The following SGMS1 variants were observed in gnomAD, a reference collection of about 807,000 sequenced individuals.
The protein encoded by SGMS1 is sphingomyelin synthase 1.
A neutral mutation model predicts 46.2 loss-of-function variants in SGMS1; 13 were observed. The ratio of observed to expected loss-of-function variants is 0.28; its 90% CI spans 0.18 to 0.45. The LOEUF (loss-of-function observed/expected upper bound fraction) is 0.45, where lower values mean the gene tolerates loss of function less well. SGMS1 is among the 20% of genes least tolerant of loss of function. The pLI is 1.00. For missense variants in SGMS1, 324 were observed against 519.9 expected (o/e 0.62, Z 3.66); for synonymous variants, 203 against 187.8 (o/e 1.08, Z -0.66).
chr10:50,404,601 C>T (rs956060251), intron 6 of SGMS1, among the ~76,000 whole-genome samples: 1 of 151,616 alleles, frequency 6.6e-6, no homozygotes, highest in African/African-American at 2.4e-5. Context: ...GACCCTGTCT[C>T]GAAAAAACAA....
At chr10:50,413,117 C>A (rs569816636) in intron 6 of SGMS1, among the ~76,000 whole-genome samples, 1 of 152,228 alleles carries the variant, frequency 6.6e-6, no homozygotes, top group South Asian at 2.1e-4. Context: ...AAAAAGTTAT[C>A]TCTTGTGACT....
chr10:50,450,227 G>A (rs1315759240), intron 5 of SGMS1, among the ~76,000 whole-genome samples: 1 of 152,124 alleles, frequency 6.6e-6, no homozygotes, highest in East Asian at 1.9e-4. Context: ...ATGAGACTAA[G>A]AAATTTATAC....
At chr10:50,620,517 A>C (rs886708772) in intron 1 of SGMS1, among the ~76,000 whole-genome samples, 1 of 152,248 alleles carries the variant, frequency 6.6e-6, no homozygotes, top group African/African-American at 2.4e-5. Flanking sequence ...GCAATCAAAA[A>C]ATAAAAATCA....
intron 6 of SGMS1, among the ~76,000 whole-genome samples, chr10:50,411,247 C>G (rs981742973): frequency 1.3e-5 from 2 of 152,214 alleles, no homozygotes; most frequent in African/African-American, 4.8e-5. Flanking sequence ...CAAGCTTAAA[C>G]TCTTTAAAAA....
chr10:50,372,027 G>A (rs1249672932), intron 6 of SGMS1, among the ~76,000 whole-genome samples: 1 of 152,130 alleles, frequency 6.6e-6, no homozygotes, highest in African/African-American at 2.4e-5. Flanking sequence ...TCAAACCACC[G>A]CACTCTTATC....
rs71457582 is a variant in SGMS1, at chr10:50,596,175, A to ATTT, written c.-683-5931_-683-5929dup. The stretch of plus-strand genomic sequence containing the variant: ...TTTAAAAGATCTTACTTGTATCACG[A>ATTT]TTTTTTTTTTTTTTTTTTGAGACAG... On this transcript the variant is annotated intron_variant, in intron 1 of 10. Coordinates refer to ENST00000361781, the MANE Select transcript of SGMS1 (RefSeq NM_147156.4). Among the ~76,000 whole-genome samples the ATTT allele has an allele frequency of 2.1e-3, 287 of 139,714 alleles. 3 individuals are homozygous for ATTT. Among genetic ancestry groups the ATTT allele is most frequent in the African/African-American group, 7.5e-3 (281 of 37,460 alleles). The allele number at this position is 139,714 out of a possible 152,430, so 91.7% of individuals were successfully genotyped here.
intron 6 of SGMS1, among the ~76,000 whole-genome samples, chr10:50,411,181 A>T (rs1849093338): frequency 6.6e-6 from 1 of 152,228 alleles, no homozygotes; most frequent in Admixed American, 6.5e-5. Flanking sequence ...ACCTCTTGAA[A>T]AAACAAATGA....
intron 6 of SGMS1, among the ~76,000 whole-genome samples, chr10:50,372,149 GC>G (rs1022699779): frequency 7.9e-5 from 12 of 152,138 alleles, no homozygotes; most frequent in Middle Eastern, 3.2e-3. Context: ...CTAGCACGGT[GC>G]CCGGCACATG....
At chr10:50,315,578 T>A (rs747222681) in intron 8 of SGMS1, among the ~76,000 whole-genome samples, 2 of 152,260 alleles carry the variant, frequency 1.3e-5, no homozygotes, top group East Asian at 3.8e-4. Context: ...TGCTTTTGAT[T>A]CCTCAAATAG....
chr10:50,416,233 T>C (rs998453445), intron 6 of SGMS1, among the ~76,000 whole-genome samples: 16 of 152,298 alleles, frequency 1.1e-4, no homozygotes, highest in South Asian at 4.1e-4. Context: ...TGGAGCCACA[T>C]AGGAAAAATA....
intron 2 of SGMS1, among the ~76,000 whole-genome samples, chr10:50,570,609 T>C (rs148891381): frequency 6.6e-6 from 1 of 152,154 alleles, no homozygotes; most frequent in East Asian, 1.9e-4. Flanking sequence ...AATAACATAG[T>C]ATTGAGGGCC....
intron 2 of SGMS1, among the ~76,000 whole-genome samples, chr10:50,561,692 C>T (rs1838237998): frequency 6.6e-6 from 1 of 152,218 alleles, no homozygotes; most frequent in Non-Finnish European, 1.5e-5. Context: ...TGCAATGCTT[C>T]TTGTTTATCC....
At chr10:50,537,801 A>G (rs1220112208) in intron 2 of SGMS1, among the ~76,000 whole-genome samples, 1 of 152,132 alleles carries the variant, frequency 6.6e-6, no homozygotes, top group East Asian at 1.9e-4. Flanking sequence ...TACCGTCAGG[A>G]AGAATGAGGT....
chr10:50,501,884 T>C (rs1837664532), intron 3 of SGMS1, among the ~76,000 whole-genome samples: 1 of 152,174 alleles, frequency 6.6e-6, no homozygotes, highest in Non-Finnish European at 1.5e-5. Flanking sequence ...ATAAAAACAA[T>C]TAAAATTTTA....
chr10:50,321,723 A>G (rs1418207204), intron 8 of SGMS1, among the ~76,000 whole-genome samples: 1 of 152,242 alleles, frequency 6.6e-6, no homozygotes, highest in African/African-American at 2.4e-5. Context: ...AAATACTGAT[A>G]AGGTTAGCAG....
chr10:50,311,152 G>A (rs1847246068), intron 9 of SGMS1, 110 bp downstream of exon 9: 2 of 1,300,658 alleles, frequency 1.5e-6, no homozygotes, highest in Non-Finnish European at 2.1e-6. Context: ...GCCTCCTGAA[G>A]CCTCCAGTCT....
intron 3 of SGMS1, among the ~76,000 whole-genome samples, chr10:50,507,715 T>A (rs1463442043): frequency 6.6e-6 from 1 of 152,162 alleles, no homozygotes; most frequent in African/African-American, 2.4e-5. Flanking sequence ...TAGCCTGGTA[T>A]AATAACACCA....
At chr10:50,448,757 A>AAAT (rs61349604) in intron 5 of SGMS1, among the ~76,000 whole-genome samples, 19,141 of 140,624 alleles carry the variant, frequency 0.14, 1,555 homozygotes, top group Middle Eastern at 0.16. Context: ...AAAAAAAAAA[A>AAAT]AAAAGAATGA....
chr10:50,423,614 C>T (rs1053813838), intron 6 of SGMS1, among the ~76,000 whole-genome samples: 1 of 151,234 alleles, frequency 6.6e-6, no homozygotes, highest in Admixed American at 6.6e-5. Flanking sequence ...AGTCAATGAA[C>T]TCTTCTTAGA....
Sources: gnomAD v4.1 joint callset for allele counts (sites outside exome capture counted in the v4.1 genomes callset) on GRCh38, gnomAD v4.1.1 for gene constraint, MANE v1.5 for transcripts, NCBI Gene and HGNC (gene_info 2026-07-23, HGNC 2026-07-21) for gene names.